The following MORC3 variants were observed in gnomAD, a reference collection of about 807,000 sequenced individuals.
The protein encoded by MORC3 is MORC family CW-type zinc finger protein 3.
MORC3 carries 31 observed loss-of-function variants against 109.1 expected under a neutral mutation model. The observed-to-expected ratio is 0.28, with a 90% CI of 0.21 to 0.38. MORC3 has a LOEUF of 0.38. MORC3 is among the 10% of genes least tolerant of loss of function. The pLI is 1.00. For synonymous variants in MORC3, 395 were observed against 380.7 expected, an observed-to-expected ratio of 1.04 and a Z score of -0.44; for missense variants, 867 against 1,135.8, an observed-to-expected ratio of 0.76 and a Z score of 3.40.
At chr21:36,345,620 G>GCCAGCA (rs2085499425) in intron 8 of MORC3, among the ~76,000 whole-genome samples, 2 of 151,898 alleles carry the variant, frequency 1.3e-5, no homozygotes, top group South Asian at 4.2e-4. Flanking sequence ...TGAGGTTTCA[G>GCCAGCA]TGTGTCAGCC....
intron 14 of MORC3, among the ~76,000 whole-genome samples, chr21:36,365,738 G>C (rs189575186): frequency 6.6e-6 from 1 of 152,042 alleles, no homozygotes; most frequent in Non-Finnish European, 1.5e-5. Flanking sequence ...GCACCACCAT[G>C]CCTGGCTAAT....
At chr21:36,329,315 A>T (rs1020339547) in intron 1 of MORC3, among the ~76,000 whole-genome samples, 1 of 123,378 alleles carries the variant, frequency 8.1e-6, no homozygotes, top group Non-Finnish European at 1.9e-5. Context: ...AAAAAAAAAG[A>T]AAGTTTACAA....
intron 1 of MORC3, among the ~76,000 whole-genome samples, chr21:36,329,462 A>G (rs1444606057): frequency 6.6e-6 from 1 of 152,148 alleles, no homozygotes; most frequent in Non-Finnish European, 1.5e-5. Context: ...ATCAAACATG[A>G]GGGGAATCAT....
chr21:36,336,980 T>A lies in MORC3; in HGVS notation c.219T>A (p.Thr73=). ...LTFTDNGNGM[T]SDKLHKMLSF... Reference sequence around the variant, plus strand: ...TCACCGACAATGGGAATGGTATGACTTCTGATAAATTACATAAAATGCTAA... The same window carrying A: ...TCACCGACAATGGGAATGGTATGACATCTGATAAATTACATAAAATGCTAA... Residue 73 remains threonine (T), a synonymous_variant, in exon 3 of 17, where the codon ACT becomes ACA. Coordinates refer to ENST00000400485, the MANE Select transcript of MORC3 (RefSeq NM_015358.3). 6.2e-7 allele frequency: 1 copy of A among 1,611,782 alleles called. No homozygotes were observed. The highest frequency in any genetic ancestry group is 1.1e-5 in the South Asian group (1 of 90,296).
Position 36,341,524 on chromosome 21 carries a change from CT to C in MORC3, c.735del (p.Glu246ArgfsTer6), listed in dbSNP as rs2085445606. ...CAGGAAAGGATGGACCAGATTGCCC[CT>C]GAGAGTGACTATTCCCTGAGGGTAT... ...KKQERMDQIAPESDYSLRAYC... is the reference protein window; with the variant it reads ...KKQERMDQIAXESDYSLRAYC... On this transcript the variant is annotated frameshift_variant, in exon 6 of 17. Coordinates refer to ENST00000400485, the MANE Select transcript of MORC3 (RefSeq NM_015358.3). LOFTEE classifies it high-confidence loss of function. The C allele has an allele frequency of 6.2e-7, 1 of 1,613,712 alleles. No individual in the cohort carries two copies. Among genetic ancestry groups the C allele is most frequent in the African/African-American group, 1.3e-5 (1 of 74,912 alleles).
intron 9 of MORC3, among the ~76,000 whole-genome samples, chr21:36,352,601 T>C (rs1411500150): frequency 1.3e-5 from 2 of 152,196 alleles, no homozygotes; most frequent in South Asian, 2.1e-4. Flanking sequence ...GGGTATCATG[T>C]TGGCACTCAA....
At chr21:36,342,807 T>G (rs1442211819) in intron 6 of MORC3, among the ~76,000 whole-genome samples, 1 of 151,690 alleles carries the variant, frequency 6.6e-6, no homozygotes, top group Non-Finnish European at 1.5e-5. Context: ...TCACCTGAGG[T>G]CAGGAGTTGG....
intron 14 of MORC3, 142 bp downstream of exon 14, chr21:36,364,401 C>A: frequency 1.1e-6 from 1 of 951,872 alleles, no homozygotes; most frequent in Non-Finnish European, 1.6e-6. Flanking sequence ...ATCTTCAGGA[C>A]AAATTGTCTT....
At position 36,364,170 on chromosome 21, in the gene MORC3, A is replaced by G. The variant is rs1337788634; in HGVS notation, c.1530A>G (p.Arg510=). The G allele has an allele frequency of 6.2e-7, 1 of 1,614,134 alleles. No homozygotes were observed. The highest frequency in any genetic ancestry group is 1.7e-5 in the Admixed American group (1 of 60,022). The change falls in exon 14 of 17, where the codon AGA becomes AGG. Residue 510 remains arginine, a synonymous_variant. Transcript: ENST00000400485. ...CTTCTCCTAAGGAAAGTGTTCCAAGAAGACATCTTTCAGAAGGAACAAATT... is the reference window on the plus strand; with the variant it reads ...CTTCTCCTAAGGAAAGTGTTCCAAGGAGACATCTTTCAGAAGGAACAAATT... ...SFSSPKESVP[R]RHLSEGTNSY...
At position 36,343,003 on chromosome 21, in the gene MORC3, G is replaced by C. The variant is rs535155138; in HGVS notation, c.756+1457G>C. Among the ~76,000 whole-genome samples, 235 of 151,738 alleles carry C rather than the reference G, an allele frequency of 1.5e-3. 1 individual carries two copies. The highest frequency in any genetic ancestry group is 5.2e-3 in the African/African-American group (214 of 41,446). ...CATTACACTCCAGCCTGGGCAACAA[G>C]AGTGAAACTCTGTCTCAAAAAATAA... On this transcript the variant is annotated intron_variant, in intron 6 of 16. Coordinates refer to ENST00000400485, the MANE Select transcript of MORC3 (RefSeq NM_015358.3).
At chr21:36,374,739 C>T (rs2085910434) in intron 16 of MORC3, among the ~76,000 whole-genome samples, 1 of 152,184 alleles carries the variant, frequency 6.6e-6, no homozygotes, top group African/African-American at 2.4e-5. Flanking sequence ...GTGGTGCCAT[C>T]GCAGCTCACT....
At chr21:36,332,592 G>A (rs1429116251) in intron 1 of MORC3, among the ~76,000 whole-genome samples, 2 of 152,332 alleles carry the variant, frequency 1.3e-5, no homozygotes, top group East Asian at 3.9e-4. Flanking sequence ...ATCAGCTGGT[G>A]ACCTGTGATT....
intron 14 of MORC3, among the ~76,000 whole-genome samples, chr21:36,364,580 A>AGGC (rs2085757065): frequency 6.6e-6 from 1 of 151,552 alleles, no homozygotes; most frequent in Admixed American, 6.6e-5. Flanking sequence ...GCTACTCCAG[A>AGGC]GGCGGAGGCT....
intron 14 of MORC3, 64 bp from the exon 15 acceptor site, chr21:36,368,924 T>G: frequency 7.2e-7 from 1 of 1,385,364 alleles, no homozygotes; most frequent in Non-Finnish European, 9.7e-7. Flanking sequence ...GAATGATTAC[T>G]TCAAGGTCAT....
At chr21:36,322,196 A>T (rs1332858439) in intron 1 of MORC3, among the ~76,000 whole-genome samples, 1 of 152,224 alleles carries the variant, frequency 6.6e-6, no homozygotes, top group African/African-American at 2.4e-5. Flanking sequence ...CATAAAAATT[A>T]TGCGAAATAC....
In MORC3 at chr21:36,375,230, T is replaced by C. The variant is rs182114550; in HGVS notation, c.2754T>C (p.Asp918=). The C allele has an allele frequency of 4.4e-4, 715 of 1,613,848 alleles. No individual in the cohort carries two copies. Among genetic ancestry groups the C allele is most frequent in the Non-Finnish European group, 5.6e-4 (662 of 1,179,762 alleles). The change falls in exon 17 of 17, where the codon GAT becomes GAC. Residue 918 remains aspartate, a synonymous_variant. Coordinates refer to ENST00000400485, the MANE Select transcript of MORC3 (RefSeq NM_015358.3). ...TTGATCTTCAGCAAGTGAATTACGA[T>C]GTTGATGTAGTTGATGAGATTTTAG... The part of the protein sequence containing the change: ...PDLDLQQVNY[D]VDVVDEILGQ...
chr21:36,359,226 T>A (rs2085683626), intron 10 of MORC3, among the ~76,000 whole-genome samples: 1 of 152,100 alleles, frequency 6.6e-6, no homozygotes, highest in Admixed American at 6.6e-5. Flanking sequence ...ATAGAAAAAA[T>A]TTAATGCTAT....
intron 9 of MORC3, among the ~76,000 whole-genome samples, chr21:36,350,505 C>G (rs962003071): frequency 3.4e-5 from 5 of 147,132 alleles, no homozygotes; most frequent in African/African-American, 1.3e-4. Context: ...GATTGTGTCA[C>G]TGCATTCCCG....
chr21:36,323,191 T>G (rs750993012), intron 1 of MORC3, among the ~76,000 whole-genome samples: 2 of 152,186 alleles, frequency 1.3e-5, no homozygotes, highest in Middle Eastern at 3.2e-3. Flanking sequence ...TCTGGAAATT[T>G]CCTTCCTCTT....
Sources: allele counts gnomAD v4.1 joint callset (sites outside exome capture counted in the v4.1 genomes callset), GRCh38; gene constraint gnomAD v4.1.1; transcripts MANE v1.5; gene names NCBI Gene and HGNC (gene_info 2026-07-23, HGNC 2026-07-21).